Variants in MAPK9 observed in about 807,000 individuals in gnomAD.
The protein encoded by MAPK9 is mitogen-activated protein kinase 9, also known as Jun kinase.
Under a neutral mutation model 57.1 loss-of-function variants are expected in MAPK9, and 30 were observed. The ratio of observed to expected loss-of-function variants is 0.53; its 90% CI spans 0.39 to 0.71. The LOEUF is 0.71. Ranked by LOEUF, MAPK9 falls within the 30% of genes least tolerant of loss-of-function variation. The pLI is 0.00. For missense variants in MAPK9, 362 were observed against 521.0 expected, an observed-to-expected ratio of 0.69 and a Z score of 2.97; for synonymous variants, 155 against 177.0, an observed-to-expected ratio of 0.88 and a Z score of 0.99.
intron 1 of MAPK9, among the ~76,000 whole-genome samples, chr5:180,281,747 A>C (rs1275472067): frequency 6.6e-6 from 1 of 152,234 alleles, no homozygotes; most frequent in Non-Finnish European, 1.5e-5. Context: ...TAAAGAACTG[A>C]GTCAAATTAA....
At chr5:180,248,647 T>C (rs1172349126) in intron 6 of MAPK9, among the ~76,000 whole-genome samples, 6 of 152,162 alleles carry the variant, frequency 3.9e-5, no homozygotes, top group Non-Finnish European at 1.5e-5. Flanking sequence ...GGAGGGGCCA[T>C]GGGGAGGCCA....
intron 7 of MAPK9, chr5:180,246,267 G>A (rs1758091731): frequency 6.6e-6 from 1 of 152,076 alleles, no homozygotes; most frequent in African/African-American, 2.4e-5. Context: ...TTTATAGGTT[G>A]CAACAAGTGA....
intron 1 of MAPK9, among the ~76,000 whole-genome samples, chr5:180,288,452 T>TA (rs796580256): frequency 1.3e-5 from 2 of 152,368 alleles, no homozygotes; most frequent in African/African-American, 4.8e-5. Flanking sequence ...ATTGACTAGT[T>TA]ATTTGATGAT....
chr5:180,262,429 A>G (rs1241377966), intron 4 of MAPK9, among the ~76,000 whole-genome samples: 1 of 151,770 alleles, frequency 6.6e-6, no homozygotes, highest in Non-Finnish European at 1.5e-5. Context: ...CCTTCTTTTT[A>G]TTTTTTAAAT....
rs575524154 is a variant in MAPK9, at chr5:180,254,800, C to T, written c.451-5662G>A. On this transcript the variant is annotated intron_variant, in intron 5 of 11. Transcript: ENST00000452135. ...CCTGTAATCCAGCACTTTGGGAGGC[C>T]GAGGCGGGCGGATCACGAGGTCAGG... Among the ~76,000 whole-genome samples the T allele has an allele frequency of 1.1e-4, 16 of 152,256 alleles. No homozygotes were observed. The South Asian group carries it at 2.1e-3, about 20-fold the overall frequency.
intron 9 of MAPK9, 23 bp downstream of exon 9, chr5:180,241,008 A>G (rs756611366): frequency 6.2e-7 from 1 of 1,607,646 alleles, no homozygotes; most frequent in Non-Finnish European, 8.5e-7. Context: ...CTCTATATAA[A>G]TCTTTTCAAA....
intron 1 of MAPK9, among the ~76,000 whole-genome samples, chr5:180,291,140 T>C (rs1290252851): frequency 6.6e-6 from 1 of 152,004 alleles, no homozygotes; most frequent in African/African-American, 2.4e-5. Flanking sequence ...GCAAAGGTCC[T>C]GGGGCAAATG....
chr5:180,261,562 G>A (rs1759966015), intron 5 of MAPK9, 122 bp downstream of exon 5: 1 of 979,638 alleles, frequency 1.0e-6, no homozygotes, highest in Non-Finnish European at 1.5e-6. Context: ...AACACCATAT[G>A]ATTCCATCAT....
rs182502449 is a variant in MAPK9 at position 180,257,464 on chromosome 5, T to C, written c.450+4220A>G. Among the ~76,000 whole-genome samples the C allele has an allele frequency of 1.0e-4, 16 of 152,384 alleles. No homozygotes were observed. In the East Asian group the frequency reaches 1.7e-3, roughly 17 times the overall value. ...GAACATAAAATCTAATGGCAATCTGTTGATAAAATTAGTATAGTAATAATC... is the reference window on the plus strand; with the variant it reads ...GAACATAAAATCTAATGGCAATCTGCTGATAAAATTAGTATAGTAATAATC... On this transcript the variant is annotated intron_variant, in intron 5 of 11. Coordinates refer to ENST00000452135, the MANE Select transcript of MAPK9 (RefSeq NM_002752.5).
At chr5:180,267,923 T>A (rs539427386) in intron 3 of MAPK9, among the ~76,000 whole-genome samples, 8 of 152,114 alleles carry the variant, frequency 5.3e-5, no homozygotes, top group Non-Finnish European at 2.9e-5. Flanking sequence ...AGTGCAGTGG[T>A]GCTATCTCAG....
intron 5 of MAPK9, among the ~76,000 whole-genome samples, chr5:180,250,534 C>T (rs1758564563): frequency 6.6e-6 from 1 of 152,114 alleles, no homozygotes; most frequent in African/African-American, 2.4e-5. Context: ...CTAGCACCTG[C>T]CTGTAAGACA....
intron 10 of MAPK9, among the ~76,000 whole-genome samples, chr5:180,238,813 T>C (rs1191040670): frequency 2.0e-5 from 3 of 152,184 alleles, no homozygotes; most frequent in Non-Finnish European, 4.4e-5. Context: ...TTCGCTATGT[T>C]GGCTAGGCTT....
intron 1 of MAPK9, chr5:180,287,062 A>G (rs1170972459): frequency 6.6e-6 from 1 of 152,220 alleles, no homozygotes; most frequent in African/African-American, 2.4e-5. Flanking sequence ...CATGCATATA[A>G]CATTCCTGAA....
In MAPK9 at chr5:180,247,573, G is replaced by C. The variant is rs1211443377; in HGVS notation, c.617-63C>G. On this transcript the variant is annotated intron_variant, in intron 6 of 11. Transcript: ENST00000452135. The surrounding 1 kb of genome is among the most constrained non-coding windows in gnomAD (Gnocchi z 4.5). ...ATGAACAAAACAAAAGTGAGGAAAA[G>C]GAATTCTAACAGTGCACTAAACACA... The C allele has an allele frequency of 6.9e-7, 1 of 1,441,174 alleles. No individual in the cohort carries two copies. The highest frequency in any genetic ancestry group is 2.3e-5 in the East Asian group (1 of 42,898). The allele number at this position is 1,441,174 out of a possible 1,614,324, so 89.3% of individuals were successfully genotyped here.
At chr5:180,256,957 A>C (rs1052194784) in intron 5 of MAPK9, among the ~76,000 whole-genome samples, 1 of 152,266 alleles carries the variant, frequency 6.6e-6, no homozygotes, top group African/African-American at 2.4e-5. Context: ...CTTAAATTAT[A>C]TGAAGGTCTG....
At chr5:180,267,939 T>C (rs1016728911) in intron 3 of MAPK9, among the ~76,000 whole-genome samples, 1 of 152,208 alleles carries the variant, frequency 6.6e-6, no homozygotes, top group Admixed American at 6.5e-5. Flanking sequence ...CTCAGCTCAC[T>C]GCAAGCTCTG....
intron 6 of MAPK9, 45 bp downstream of exon 6, chr5:180,248,928 C>T (rs1265310482): frequency 1.3e-6 from 2 of 1,550,244 alleles, no homozygotes; most frequent in Non-Finnish European, 1.7e-6. Context: ...ACCGCTAGAG[C>T]AATTTCTAAA....
chr5:180,238,101 C>A, intron 11 of MAPK9: 1 of 330,616 alleles, frequency 3.0e-6, no homozygotes, highest in Non-Finnish European at 5.7e-6. Context: ...GAAACCCCGT[C>A]TCTACTAAAA....
intron 2 of MAPK9, among the ~76,000 whole-genome samples, chr5:180,270,999 G>A (rs1376745782): frequency 2.6e-5 from 4 of 152,130 alleles, no homozygotes; most frequent in Non-Finnish European, 5.9e-5. Flanking sequence ...TATGGTGACT[G>A]CAGTTAATAA....
Sources: gnomAD v4.1 joint callset for allele counts (sites outside exome capture counted in the v4.1 genomes callset) on GRCh38, gnomAD v4.1.1 for gene constraint, Gnocchi (gnomAD v3.1) non-coding constraint, MANE v1.5 for transcripts, NCBI Gene and HGNC (gene_info 2026-07-23, HGNC 2026-07-21) for gene names.